Variants in CACNB1 observed in about 807,000 individuals in gnomAD.
CACNB1 encodes voltage-dependent L-type calcium channel subunit beta-1.
CACNB1 carries 29 observed loss-of-function variants against 71.6 expected under a neutral mutation model. The observed-to-expected ratio is 0.40, with a 90% CI of 0.30 to 0.55. The LOEUF (loss-of-function observed/expected upper bound fraction) is 0.55, where lower values mean the gene tolerates loss of function less well. CACNB1 is among the 20% of genes least tolerant of loss of function. The pLI, the probability that CACNB1 is intolerant of heterozygous loss-of-function variation, is 0.38. For missense variants in CACNB1, 623 were observed against 801.8 expected, an observed-to-expected ratio of 0.78 and a Z score of 2.69; for synonymous variants, 300 against 319.6, an observed-to-expected ratio of 0.94 and a Z score of 0.65.
chr17:39,186,031 C>T lies in CACNB1; in HGVS notation c.628+465G>A, dbSNP rs1433121944. On this transcript the variant is annotated intron_variant, in intron 6 of 13. Coordinates refer to ENST00000394303, the MANE Select transcript of CACNB1 (RefSeq NM_000723.5). This position sits in a 1 kb window ranked among gnomAD's most constrained non-coding sequence, Gnocchi z 4.1. ...CACTAGTCTTGGCAGAGCCACTCTG[C>T]TCACCAAGCTCAGCCTCTTCCTCCT... 3.7e-6 allele frequency: 6 copies of T among 1,613,950 alleles called. No individual in the cohort carries two copies. Among genetic ancestry groups the T allele is most frequent in the Admixed American group, 3.3e-5 (2 of 59,994 alleles).
At chr17:39,193,299 T>C (rs1333623417) in intron 2 of CACNB1, 3 of 326,960 alleles carry the variant, frequency 9.2e-6, no homozygotes, top group Non-Finnish European at 6.2e-6. Context: ...TGCAGACACA[T>C]GTACGCGCAT....
chr17:39,178,448 G>C (rs116527975), intron 11 of CACNB1, among the ~76,000 whole-genome samples: 2,391 of 151,202 alleles, frequency 0.016, 69 homozygotes, highest in African/African-American at 0.055. Context: ...AAGTGCAGTG[G>C]TGTGAACATA....
intron 11 of CACNB1, among the ~76,000 whole-genome samples, chr17:39,182,258 G>A (rs1183857383): frequency 6.6e-6 from 1 of 152,022 alleles, no homozygotes; most frequent in Non-Finnish European, 1.5e-5. Flanking sequence ...AACCTGGGAG[G>A]CGGAGGCTGT....
chr17:39,188,555 C>G (rs2144150661), intron 3 of CACNB1, among the ~76,000 whole-genome samples: 1 of 151,118 alleles, frequency 6.6e-6, no homozygotes, highest in Non-Finnish European at 1.5e-5. Flanking sequence ...GCATGGATGA[C>G]AGAGTGAGAC....
chr17:39,188,686 G>A (rs907806841), intron 3 of CACNB1, among the ~76,000 whole-genome samples: 4 of 152,156 alleles, frequency 2.6e-5, no homozygotes, highest in Non-Finnish European at 4.4e-5. Flanking sequence ...GGGTAGAGGC[G>A]GGGCACTCAG....
At position 39,175,364 on chromosome 17, in the gene CACNB1, TG is replaced by T. The variant is rs1310203998; in HGVS notation, c.1625del (p.Pro542GlnfsTer18). ...LGDPAGGGTP[P>X]ARQGSWEDEE... ...CGTCCTCCCAGGATCCCTGTCGGGC[TG>T]GGGGCGTGCCGCCCCCTGCAGGGTC... On this transcript the variant is annotated frameshift_variant, in exon 14 of 14. Coordinates refer to ENST00000394303, the MANE Select transcript of CACNB1 (RefSeq NM_000723.5). LOFTEE classifies it high-confidence loss of function. This position sits in a 1 kb window ranked among gnomAD's most constrained non-coding sequence, Gnocchi z 4.7. 1.2e-6 allele frequency: 2 copies of T among 1,614,110 alleles called. No homozygotes were observed. Among genetic ancestry groups the T allele is most frequent in the South Asian group, 2.2e-5 (2 of 91,078 alleles).
chr17:39,182,111 G>A (rs1299620136), intron 11 of CACNB1, among the ~76,000 whole-genome samples: 1 of 151,270 alleles, frequency 6.6e-6, no homozygotes, highest in Non-Finnish European at 1.5e-5. Flanking sequence ...CAGTGAGCAA[G>A]ATCGCACCAC....
chr17:39,196,784 G>T (rs2046208696), intron 1 of CACNB1, among the ~76,000 whole-genome samples: 2 of 151,452 alleles, frequency 1.3e-5, no homozygotes, highest in South Asian at 4.2e-4. Context: ...GGCGTTTTTG[G>T]GGCGGGGGTG....
At position 39,186,992 on chromosome 17, in the gene CACNB1, G is replaced by A; in HGVS notation, c.415-63C>T. Reference sequence around the variant, plus strand: ...GGGAAACTGCAGGGGCAAGCTAGCAGTCACTCTCTAGGGGAAACGCCCAGA... The same window carrying A: ...GGGAAACTGCAGGGGCAAGCTAGCAATCACTCTCTAGGGGAAACGCCCAGA... On this transcript the variant is annotated intron_variant, in intron 4 of 13. Coordinates refer to ENST00000394303, the MANE Select transcript of CACNB1 (RefSeq NM_000723.5). This position sits in a 1 kb window ranked among gnomAD's most constrained non-coding sequence, Gnocchi z 4.1. 1 of 1,579,168 alleles carries A rather than the reference G, an allele frequency of 6.3e-7. No homozygotes were observed. Among genetic ancestry groups the A allele is most frequent in the Non-Finnish European group, 8.7e-7 (1 of 1,151,700 alleles).
chr17:39,175,285 T>C lies in CACNB1; in HGVS notation c.1705A>G (p.Lys569Glu). ...LTDNRNRGRN[K>E]ARYCAEGGGP... ...CCACCCTCAGCGCAGTAGCGGGCCT[T>C]ATTCCGGCCCCGGTTCCGGTTGTCG... The change falls in exon 14 of 14, where the codon AAG becomes GAG. Residue 569 changes from lysine to glutamate, a missense_variant. Lys to Glu is a moderately conservative substitution (Grantham distance 56). Coordinates refer to ENST00000394303, the MANE Select transcript of CACNB1 (RefSeq NM_000723.5). The surrounding 1 kb of genome is among the most constrained non-coding windows in gnomAD (Gnocchi z 4.7). 6.2e-7 allele frequency: 1 copy of C among 1,614,156 alleles called. No individual in the cohort carries two copies.
At chr17:39,177,149 A>AT in intron 13 of CACNB1, 5 of 1,429,334 alleles carry the variant, frequency 3.5e-6, no homozygotes, top group East Asian at 5.0e-5. Context: ...CGCTCATCTT[A>AT]TTTTTTTACA....
Position 39,184,179 on chromosome 17 carries a change from G to A in CACNB1, c.789-39C>T, listed in dbSNP as rs749470987. 7 of 1,407,488 alleles carry A rather than the reference G, an allele frequency of 5.0e-6. No homozygotes were observed. The Admixed American group carries it at 6.8e-5, about 14-fold the overall frequency. 87.2% of individuals were successfully genotyped at this position (1,407,488 alleles called of 1,614,324 possible). ...CAAGAGGGGAGTCAGGGGTCAGGGT[G>A]GGCTGGAATGCCCTGCCCACTCCCC... On this transcript the variant is annotated intron_variant, in intron 9 of 13. Coordinates refer to ENST00000394303, the MANE Select transcript of CACNB1 (RefSeq NM_000723.5).
In CACNB1 at chr17:39,197,395, G is replaced by A. The variant is rs546558501; in HGVS notation, c.84+17C>T. The A allele has an allele frequency of 2.8e-6, 4 of 1,433,744 alleles. No individual in the cohort carries two copies. Among genetic ancestry groups the A allele is most frequent in the East Asian group, 3.1e-5 (1 of 32,758 alleles). 88.8% of individuals were successfully genotyped at this position (1,433,744 alleles called of 1,614,324 possible). On this transcript the variant is annotated intron_variant, in intron 1 of 13. Transcript: ENST00000394303. ...GGGAGCGACCCCCTCCCGTTGGGCCGGGCCACCACGCCTCACCTGCGGGCT... is the reference window on the plus strand; with the variant it reads ...GGGAGCGACCCCCTCCCGTTGGGCCAGGCCACCACGCCTCACCTGCGGGCT...
At position 39,175,376 on chromosome 17, in the gene CACNB1, GC is replaced by G; in HGVS notation, c.1613del (p.Gly538AlafsTer22). The G allele has an allele frequency of 1.2e-6, 2 of 1,614,096 alleles. No individual in the cohort carries two copies. The highest frequency in any genetic ancestry group is 1.1e-5 in the South Asian group (1 of 91,084). On this transcript the variant is annotated frameshift_variant, in exon 14 of 14. Transcript: ENST00000394303. LOFTEE classifies it high-confidence loss of function. This position sits in a 1 kb window ranked among gnomAD's most constrained non-coding sequence, Gnocchi z 4.7. ...ATCCCTGTCGGGCTGGGGGCGTGCCGCCCCCTGCAGGGTCTCCAAGCCCTGG... is the reference window on the plus strand; with the variant it reads ...ATCCCTGTCGGGCTGGGGGCGTGCCGCCCCTGCAGGGTCTCCAAGCCCTGG... ...EGPGLGDPAG[G>X]GTPPARQGSW... is the part of the protein sequence containing the mutation.
rs1219296830 is a variant in CACNB1 at position 39,194,804 on chromosome 17, C to T, written c.171+80G>A. 5.2e-6 allele frequency: 5 copies of T among 962,054 alleles called. No homozygotes were observed. The highest frequency in any genetic ancestry group is 8.2e-6 in the Non-Finnish European group (5 of 613,352). The allele number at this position is 962,054 out of a possible 1,614,324, so 59.6% of individuals were successfully genotyped here. A position where few individuals can be genotyped will look rare whatever the true frequency, so the allele number is the denominator to read the frequency against. On this transcript the variant is annotated intron_variant, in intron 2 of 13. Coordinates refer to ENST00000394303, the MANE Select transcript of CACNB1 (RefSeq NM_000723.5). This position sits in a 1 kb window ranked among gnomAD's most constrained non-coding sequence, Gnocchi z 4.6. ...AATGGCACAGGGAAGGGTGCCTGGA[C>T]AATACCGCAGACCTGGCTCACCAAT...
chr17:39,184,853 C>T lies in CACNB1; in HGVS notation c.660G>A (p.Val220=), dbSNP rs747065827. 9 of 1,604,418 alleles carry T rather than the reference C, an allele frequency of 5.6e-6. No homozygotes were observed. The highest frequency in any genetic ancestry group is 7.7e-6 in the Non-Finnish European group (9 of 1,171,504). ...TGGAAGGCACCACGTCATAGGGGGG[C>T]ACATGCTCTGTCTGGGGGGGGAAGC... ...AKQKQKSTEH[V]PPYDVVPSMR... is the part of the protein sequence containing the mutation. Residue 220 remains valine (V), a synonymous_variant, in exon 8 of 14, where the codon GTG becomes GTA. Coordinates refer to ENST00000394303, the MANE Select transcript of CACNB1 (RefSeq NM_000723.5).
At chr17:39,176,442 A>T (rs2045579575) in intron 13 of CACNB1, among the ~76,000 whole-genome samples, 1 of 152,132 alleles carries the variant, frequency 6.6e-6, no homozygotes, top group African/African-American at 2.4e-5. Context: ...CCTGAGTAGC[A>T]GTTTCCAAAC....
In CACNB1 at chr17:39,186,005, A is replaced by G; in HGVS notation, c.628+491T>C. On this transcript the variant is annotated intron_variant, in intron 6 of 13. Coordinates refer to ENST00000394303, the MANE Select transcript of CACNB1 (RefSeq NM_000723.5). The surrounding 1 kb of genome is among the most constrained non-coding windows in gnomAD (Gnocchi z 4.1). Reference sequence around the variant, plus strand: ...GGGTGGCGGGGTGGTGACACTGCTAACACTAGTCTTGGCAGAGCCACTCTG... The same window carrying G: ...GGGTGGCGGGGTGGTGACACTGCTAGCACTAGTCTTGGCAGAGCCACTCTG... 1.2e-6 allele frequency: 2 copies of G among 1,613,812 alleles called. No homozygotes were observed. Among genetic ancestry groups the G allele is most frequent in the East Asian group, 2.2e-5 (1 of 44,874 alleles).
chr17:39,181,532 C>T (rs1430796581), intron 11 of CACNB1, among the ~76,000 whole-genome samples: 1 of 152,184 alleles, frequency 6.6e-6, no homozygotes, highest in Non-Finnish European at 1.5e-5. Flanking sequence ...AAGTGACAGC[C>T]CTGGAGTAGA....
Sources: gnomAD v4.1 joint callset for allele counts (sites outside exome capture counted in the v4.1 genomes callset) on GRCh38, gnomAD v4.1.1 for gene constraint, Gnocchi (gnomAD v3.1) non-coding constraint, MANE v1.5 for transcripts, NCBI Gene and HGNC (gene_info 2026-07-23, HGNC 2026-07-21) for gene names.